The following PLEKHM2 variants were observed in gnomAD, a reference collection of about 807,000 sequenced individuals.
The protein encoded by PLEKHM2 is pleckstrin homology domain-containing family M member 2.
A neutral mutation model predicts 116.3 loss-of-function variants in PLEKHM2; 77 were observed. The observed-to-expected ratio is 0.66, with a 90% CI of 0.55 to 0.80. The LOEUF is 0.80. PLEKHM2 is among the 30% of genes least tolerant of loss of function. The pLI, the probability that PLEKHM2 is intolerant of heterozygous loss-of-function variation, is 0.00. For synonymous variants in PLEKHM2, 562 were observed against 571.0 expected (o/e 0.98, Z 0.22); for missense variants, 1,183 against 1,354.9 (o/e 0.87, Z 1.99).
chr1:15,698,995 T>C (rs1466600658), intron 1 of PLEKHM2, among the ~76,000 whole-genome samples: 1 of 152,078 alleles, frequency 6.6e-6, no homozygotes, highest in Non-Finnish European at 1.5e-5. Context: ...TTTTCTAGGC[T>C]ATGGTGCAGT....
chr1:15,727,150 C>G lies in PLEKHM2; in HGVS notation c.1078C>G (p.Leu360Val). 1 of 1,598,038 alleles carries G rather than the reference C, an allele frequency of 6.3e-7. No homozygotes were observed. The change falls in exon 9 of 20, where the codon CTT becomes GTT. Residue 360 changes from leucine to valine, a missense_variant. Coordinates refer to ENST00000375799, the MANE Select transcript of PLEKHM2 (RefSeq NM_015164.4). The surrounding 1 kb of genome is among the most constrained non-coding windows in gnomAD (Gnocchi z 7.5). ...TGACAGCCGCAACGGCAGCCCAAGC[C>G]TTGGGCGGGACTCGCCAGACACTAT... is the stretch of plus-strand genomic sequence containing the variant. ...DGDSRNGSPS[L>V]GRDSPDTMLA...
At chr1:15,702,983 G>C (rs1329356999) in intron 1 of PLEKHM2, among the ~76,000 whole-genome samples, 2 of 151,982 alleles carry the variant, frequency 1.3e-5, no homozygotes, top group African/African-American at 2.4e-5. Flanking sequence ...CGCTGACTCA[G>C]CCTCCCAAAG....
In PLEKHM2 at chr1:15,687,047, C is replaced by T. The variant is rs76777178; in HGVS notation, c.60+2429C>T. ...AAGTGATCTGCCTGCCTTGGCCCCC[C>T]GAAGTGCTGGGATTACAGGCATGAG... On this transcript the variant is annotated intron_variant, in intron 1 of 19. Transcript: ENST00000375799. Among the ~76,000 whole-genome samples the T allele has an allele frequency of 2.6e-5, 4 of 152,258 alleles. No homozygotes were observed. In the East Asian group the frequency reaches 5.8e-4, roughly 22 times the overall value.
chr1:15,690,761 A>G (rs893357792), intron 1 of PLEKHM2, among the ~76,000 whole-genome samples: 2 of 152,212 alleles, frequency 1.3e-5, no homozygotes, highest in African/African-American at 2.4e-5. Flanking sequence ...CAGTTATTCA[A>G]AACTATTTAG....
At chr1:15,732,284 G>T (rs2068155434) in intron 17 of PLEKHM2, 66 bp from the exon 18 acceptor site, 2 of 1,335,634 alleles carry the variant, frequency 1.5e-6, no homozygotes, top group African/African-American at 1.5e-5. Context: ...GTCCCCTGGA[G>T]TGTGGACTTC....
intron 14 of PLEKHM2, among the ~76,000 whole-genome samples, 191 bp from the exon 15 acceptor site, chr1:15,730,341 C>CTGAGGCA (rs1461926731): frequency 1.3e-5 from 2 of 152,212 alleles, no homozygotes; most frequent in Non-Finnish European, 2.9e-5. Flanking sequence ...ACTTGGGAGG[C>CTGAGGCA]TGAGGCAGGA....
At position 15,727,585 on chromosome 1, in the gene PLEKHM2, G is replaced by T; in HGVS notation, c.1513G>T (p.Glu505Ter). The change falls in exon 9 of 20, where the codon GAG becomes TAG. Residue 505 changes from glutamate (E) to a stop codon, truncating the protein, a stop_gained. Coordinates refer to ENST00000375799, the MANE Select transcript of PLEKHM2 (RefSeq NM_015164.4). LOFTEE classifies it high-confidence loss of function. This position sits in a 1 kb window ranked among gnomAD's most constrained non-coding sequence, Gnocchi z 7.5. ...CCCTGAGGCTGCTGGCCAAGAAGAA[G>T]AGGGAGGAGGAGGAGAGGGACAGAC... ...SSPEAAGQEE[E>*]GGGGEGQTPR... is the part of the protein sequence containing the mutation. The T allele has an allele frequency of 1.3e-6, 2 of 1,578,412 alleles. No individual in the cohort carries two copies. Among genetic ancestry groups the T allele is most frequent in the East Asian group, 2.3e-5 (1 of 42,874 alleles).
At chr1:15,698,327 C>A (rs1473012210) in intron 1 of PLEKHM2, among the ~76,000 whole-genome samples, 1 of 152,086 alleles carries the variant, frequency 6.6e-6, no homozygotes, top group Non-Finnish European at 1.5e-5. Context: ...CCTCATCATC[C>A]CAAGTAGTTG....
intron 1 of PLEKHM2, among the ~76,000 whole-genome samples, chr1:15,709,570 TAG>T (rs1423721832): frequency 6.6e-6 from 1 of 152,146 alleles, no homozygotes; most frequent in Non-Finnish European, 1.5e-5. Flanking sequence ...AAATGAGGGT[TAG>T]AGAGTTAAGT....
At chr1:15,691,277 G>C (rs1640884425) in intron 1 of PLEKHM2, among the ~76,000 whole-genome samples, 1 of 152,098 alleles carries the variant, frequency 6.6e-6, no homozygotes, top group Admixed American at 6.5e-5. Flanking sequence ...TCACTATGTT[G>C]CCCAGGTTGG....
At chr1:15,703,617 C>A (rs888229237) in intron 1 of PLEKHM2, among the ~76,000 whole-genome samples, 1 of 152,182 alleles carries the variant, frequency 6.6e-6, no homozygotes, top group African/African-American at 2.4e-5. Context: ...AGGATTTCTT[C>A]GTATCAACCA....
intron 8 of PLEKHM2, 43 bp downstream of exon 8, chr1:15,725,588 C>G: frequency 7.4e-7 from 1 of 1,358,716 alleles, no homozygotes; most frequent in Non-Finnish European, 1.0e-6. Flanking sequence ...GTCCTGGGGT[C>G]CAACCTGTCC....
intron 7 of PLEKHM2, chr1:15,722,731 G>A (rs2068011861): frequency 6.6e-6 from 1 of 152,170 alleles, no homozygotes; most frequent in Admixed American, 6.6e-5. Context: ...GCATTGAAGG[G>A]TCCCCTGTTT....
chr1:15,697,138 ATGAGGCTT>A (rs1641014382), intron 1 of PLEKHM2, among the ~76,000 whole-genome samples: 1 of 152,212 alleles, frequency 6.6e-6, no homozygotes, highest in African/African-American at 2.4e-5. Flanking sequence ...CCTGGTTAAA[ATGAGGCTT>A]TGAAAAACTC....
At chr1:15,724,708 C>A (rs746441032) in intron 7 of PLEKHM2, among the ~76,000 whole-genome samples, 174 of 152,272 alleles carry the variant, frequency 1.1e-3, no homozygotes, top group Non-Finnish European at 2.2e-3. Flanking sequence ...CCATGGTTCC[C>A]ACCCCTTGGG....
rs370258246 is a variant in PLEKHM2 at position 15,700,029 on chromosome 1, A to G, written c.60+15411A>G. Among the ~76,000 whole-genome samples, 61 of 151,934 alleles carry G rather than the reference A, an allele frequency of 4.0e-4. No individual in the cohort carries two copies. In the South Asian group the frequency reaches 0.011, roughly 27 times the overall value. On this transcript the variant is annotated intron_variant, in intron 1 of 19. Coordinates refer to ENST00000375799, the MANE Select transcript of PLEKHM2 (RefSeq NM_015164.4). The stretch of plus-strand genomic sequence containing the variant: ...AACAAAAATAAAATTAGCAGTGTAC[A>G]TCGGAAGCATTGCAGTTCCCTGGGG...
chr1:15,689,241 G>A (rs1255811368), intron 1 of PLEKHM2, among the ~76,000 whole-genome samples: 9 of 117,200 alleles, frequency 7.7e-5, no homozygotes, highest in African/African-American at 4.2e-4. Context: ...GCGAAACTCC[G>A]TCTCAAAAAA....
intron 1 of PLEKHM2, among the ~76,000 whole-genome samples, chr1:15,711,499 C>T (rs908624462): frequency 8.6e-5 from 13 of 151,982 alleles, no homozygotes; most frequent in Non-Finnish European, 1.5e-4. Context: ...TGCCTGTGAT[C>T]CCAGCTACTT....
rs773832757 is a variant in PLEKHM2 at position 15,716,226 on chromosome 1, TTTTC to T, written c.61-6_61-3del. The T allele has an allele frequency of 1.2e-4, 179 of 1,497,030 alleles. No individual in the cohort carries two copies. The highest frequency in any genetic ancestry group is 1.4e-4 in the Non-Finnish European group (154 of 1,097,818). 92.7% of individuals were successfully genotyped at this position (1,497,030 alleles called of 1,614,324 possible). On this transcript the variant is annotated splice_polypyrimidine_tract_variant and splice_region_variant and intron_variant, in intron 1 of 19. Coordinates refer to ENST00000375799, the MANE Select transcript of PLEKHM2 (RefSeq NM_015164.4). Reference sequence around the variant, plus strand: ...CCATTTCTGATTTGGAGGTGTTTTTTTTTCTTTCAGTTGCAGAGCTATTTTGCTG... The same window carrying T: ...CCATTTCTGATTTGGAGGTGTTTTTTTTTCAGTTGCAGAGCTATTTTGCTG...
Sources: gnomAD v4.1 joint callset for allele counts (sites outside exome capture counted in the v4.1 genomes callset) on GRCh38, gnomAD v4.1.1 for gene constraint, Gnocchi (gnomAD v3.1) non-coding constraint, MANE v1.5 for transcripts, NCBI Gene and HGNC (gene_info 2026-07-23, HGNC 2026-07-21) for gene names.